Variants in RIT2 observed in about 807,000 individuals in gnomAD.
The protein encoded by RIT2 is GTP-binding protein Rit2.
A neutral mutation model predicts 23.7 loss-of-function variants in RIT2; 24 were observed. The ratio of observed to expected loss-of-function variants is 1.01; its 90% CI spans 0.73 to 1.43. RIT2 has a LOEUF of 1.43. Among genes scored for constraint, RIT2 ranks in the 40% most tolerant of loss-of-function variants. The pLI is 0.00. For synonymous variants in RIT2, 107 were observed against 91.1 expected (o/e 1.17, Z -0.99); for missense variants, 236 against 266.9 (o/e 0.88, Z 0.81).
At chr18:42,976,044 T>A (rs1468257748) in intron 2 of RIT2, among the ~76,000 whole-genome samples, 2 of 152,236 alleles carry the variant, frequency 1.3e-5, no homozygotes, top group East Asian at 3.9e-4. Flanking sequence ...ATTGGTAGTT[T>A]GAGAATTGGT....
At chr18:43,016,221 A>G (rs1197760715) in intron 2 of RIT2, among the ~76,000 whole-genome samples, 1 of 151,846 alleles carries the variant, frequency 6.6e-6, no homozygotes, top group East Asian at 1.9e-4. Flanking sequence ...GTTTCCTATC[A>G]TTTCACATGA....
intron 3 of RIT2, among the ~76,000 whole-genome samples, chr18:42,953,493 G>A (rs1297174182): frequency 6.6e-6 from 1 of 152,070 alleles, no homozygotes; most frequent in Non-Finnish European, 1.5e-5. Context: ...AACTATAGGA[G>A]GCATTTGTAG....
chr18:43,057,567 A>T (rs571748311), intron 1 of RIT2, among the ~76,000 whole-genome samples: 1 of 152,262 alleles, frequency 6.6e-6, no homozygotes, highest in East Asian at 1.9e-4. Flanking sequence ...CATTCTGAAA[A>T]GTTTTTTGGT....
intron 4 of RIT2, among the ~76,000 whole-genome samples, chr18:42,911,599 C>T (rs1047996072): frequency 6.6e-6 from 1 of 151,912 alleles, no homozygotes; most frequent in Non-Finnish European, 1.5e-5. Flanking sequence ...ATGTGCCTTA[C>T]ATATATGCAA....
chr18:42,846,081 C>A (rs1300542922), intron 4 of RIT2, among the ~76,000 whole-genome samples: 4 of 151,558 alleles, frequency 2.6e-5, no homozygotes, highest in Non-Finnish European at 5.9e-5. Context: ...AAAAGCAAAG[C>A]AAAACAGAAG....
chr18:42,776,483 A>G, intron 4 of RIT2, among the ~76,000 whole-genome samples: 1 of 152,230 alleles, frequency 6.6e-6, no homozygotes, highest in South Asian at 2.1e-4. Flanking sequence ...TGTTCATTGG[A>G]AATTATACCA....
At chr18:43,071,519 G>A (rs1296332511) in intron 1 of RIT2, among the ~76,000 whole-genome samples, 1 of 152,028 alleles carries the variant, frequency 6.6e-6, no homozygotes, top group East Asian at 1.9e-4. Context: ...CTACCCTACT[G>A]GAGTACCATT....
At chr18:43,023,740 A>G (rs537863726) in intron 2 of RIT2, among the ~76,000 whole-genome samples, 16 of 152,228 alleles carry the variant, frequency 1.1e-4, no homozygotes, top group South Asian at 2.1e-4. Context: ...TTTTCTAGCT[A>G]AGGAAGACAC....
intron 4 of RIT2, among the ~76,000 whole-genome samples, chr18:42,745,739 G>A (rs1912902204): frequency 6.6e-6 from 1 of 152,062 alleles, no homozygotes; most frequent in Non-Finnish European, 1.5e-5. Flanking sequence ...TGATTTTCAA[G>A]TTATCACAAG....
At chr18:43,004,176 T>G (rs1018949325) in intron 2 of RIT2, among the ~76,000 whole-genome samples, 2 of 151,848 alleles carry the variant, frequency 1.3e-5, no homozygotes, top group African/African-American at 4.8e-5. Context: ...TTACTGTATT[T>G]AAATCTGCCT....
At chr18:42,877,520 C>CTGTATATATA (rs147298997) in intron 4 of RIT2, among the ~76,000 whole-genome samples, 1 of 143,752 alleles carries the variant, frequency 7.0e-6, no homozygotes, top group Admixed American at 7.0e-5. Flanking sequence ...TTTGTATACA[C>CTGTATATATA]TATATATATA....
At chr18:42,907,662 G>A (rs1482114582) in intron 4 of RIT2, among the ~76,000 whole-genome samples, 1 of 152,118 alleles carries the variant, frequency 6.6e-6, no homozygotes, top group African/African-American at 2.4e-5. Flanking sequence ...CCAATATCAA[G>A]ACTATCCACA....
intron 2 of RIT2, among the ~76,000 whole-genome samples, chr18:43,012,390 C>T (rs993019696): frequency 2.6e-5 from 4 of 151,710 alleles, no homozygotes; most frequent in Admixed American, 1.3e-4. Flanking sequence ...GCATTCTAAA[C>T]TTGAATTGAT....
At chr18:42,984,687 AG>A (rs1910670132) in intron 2 of RIT2, among the ~76,000 whole-genome samples, 1 of 152,114 alleles carries the variant, frequency 6.6e-6, no homozygotes, top group Non-Finnish European at 1.5e-5. Flanking sequence ...AAAACTAAAA[AG>A]TTTAATTAAA....
chr18:43,074,849 G>A (rs939376834), intron 1 of RIT2, among the ~76,000 whole-genome samples: 2 of 152,182 alleles, frequency 1.3e-5, no homozygotes, highest in Admixed American at 6.5e-5. Flanking sequence ...TGAACGATGA[G>A]AACACATGGA....
chr18:42,959,515 A>C (rs1910049543), intron 3 of RIT2, among the ~76,000 whole-genome samples: 1 of 152,304 alleles, frequency 6.6e-6, no homozygotes, highest in Non-Finnish European at 1.5e-5. Context: ...AGTTATTGAA[A>C]ATTTTCATTT....
At chr18:42,972,144 C>T (rs942955997) in intron 3 of RIT2, among the ~76,000 whole-genome samples, 4 of 151,864 alleles carry the variant, frequency 2.6e-5, no homozygotes, top group African/African-American at 7.2e-5. Context: ...TAAAATTTAA[C>T]CTACTCAATG....
At chr18:42,876,774 T>C (rs578024586) in intron 4 of RIT2, among the ~76,000 whole-genome samples, 73 of 151,926 alleles carry the variant, frequency 4.8e-4, no homozygotes, top group Non-Finnish European at 8.4e-4. Flanking sequence ...AATGCCAGCA[T>C]TATGCCCCTA....
intron 4 of RIT2, among the ~76,000 whole-genome samples, chr18:42,779,971 T>C (rs1913768009): frequency 6.6e-6 from 1 of 151,118 alleles, no homozygotes; most frequent in Non-Finnish European, 1.5e-5. Context: ...TGAGTAACTA[T>C]GATATGATAG....
Sources: allele counts gnomAD v4.1 joint callset (sites outside exome capture counted in the v4.1 genomes callset), GRCh38; gene constraint gnomAD v4.1.1; transcripts MANE v1.5; gene names NCBI Gene and HGNC (gene_info 2026-07-23, HGNC 2026-07-21).